Variants in KCNQ3 observed in about 807,000 individuals in gnomAD.
KCNQ3 encodes the protein potassium voltage-gated channel subfamily Q member 3.
KCNQ3 carries 30 observed loss-of-function variants against 92.5 expected under a neutral mutation model. The observed-to-expected ratio is 0.32, with a 90% CI of 0.24 to 0.44. The LOEUF (loss-of-function observed/expected upper bound fraction) is 0.44. Ranked by LOEUF, KCNQ3 falls within the 20% of genes least tolerant of loss-of-function variation. The pLI, the probability that KCNQ3 is intolerant of heterozygous loss-of-function variation, is 1.00. For missense variants in KCNQ3, 913 were observed against 1,140.3 expected, an observed-to-expected ratio of 0.80 and a Z score of 2.87; for synonymous variants, 450 against 468.8, an observed-to-expected ratio of 0.96 and a Z score of 0.52.
chr8:132,358,114 A>G (rs1819066042), intron 1 of KCNQ3, among the ~76,000 whole-genome samples: 1 of 152,224 alleles, frequency 6.6e-6, no homozygotes, highest in Non-Finnish European at 1.5e-5. Flanking sequence ...ATAAAGTTGT[A>G]ATCTAACTTC....
intron 1 of KCNQ3, among the ~76,000 whole-genome samples, chr8:132,206,875 T>C (rs1813677091): frequency 6.6e-6 from 1 of 152,196 alleles, no homozygotes; most frequent in South Asian, 2.1e-4. Context: ...TCTTTCCTTC[T>C]ACTAATTTTG....
chr8:132,344,234 C>T (rs1818616118), intron 1 of KCNQ3, among the ~76,000 whole-genome samples: 1 of 152,232 alleles, frequency 6.6e-6, no homozygotes, highest in Admixed American at 6.5e-5. Context: ...CTATTCTCTA[C>T]TAACATAAAT....
chr8:132,185,950 C>T (rs1292927677), intron 2 of KCNQ3, 141 bp downstream of exon 2: 2 of 710,636 alleles, frequency 2.8e-6, no homozygotes, highest in East Asian at 2.7e-5. Context: ...GTAATGGAGG[C>T]TTTGCTTTTC....
intron 9 of KCNQ3, among the ~76,000 whole-genome samples, chr8:132,159,266 A>G (rs1825908912): frequency 1.3e-5 from 2 of 152,184 alleles, no homozygotes; most frequent in Non-Finnish European, 2.9e-5. Context: ...ATGAACAATT[A>G]TCGTGTTTTG....
rs1169428404 is a variant in KCNQ3 at position 132,269,905 on chromosome 8, G to T, written c.387-83724C>A. 3.3e-5 allele frequency among the ~76,000 whole-genome samples: 5 copies of T among 152,222 alleles called. No individual in the cohort carries two copies. In the South Asian group the frequency reaches 6.2e-4, roughly 19 times the overall value. ...TAAAATTTCTGTCTTTTTGCATTCA[G>T]CCAACAGCCAGATGGGTGGGGGTAG... On this transcript the variant is annotated intron_variant, in intron 1 of 14. Transcript: ENST00000388996.
At chr8:132,233,418 G>A (rs912156739) in intron 1 of KCNQ3, among the ~76,000 whole-genome samples, 6 of 152,184 alleles carry the variant, frequency 3.9e-5, no homozygotes, top group African/African-American at 1.4e-4. Context: ...TAAATCCCAA[G>A]TTGACCTAAT....
chr8:132,134,531 A>C, intron 12 of KCNQ3, 143 bp from the exon 13 acceptor site: 2 of 640,376 alleles, frequency 3.1e-6, no homozygotes, highest in East Asian at 5.9e-5. Flanking sequence ...TGAGGAGAGG[A>C]GAGGGGAGGA....
intron 1 of KCNQ3, among the ~76,000 whole-genome samples, chr8:132,331,705 T>A (rs2130662612): frequency 6.6e-6 from 1 of 152,372 alleles, no homozygotes; most frequent in African/African-American, 2.4e-5. Flanking sequence ...AGACACAGCA[T>A]AGTATAATGG....
chr8:132,395,346 C>T (rs1019476446), intron 1 of KCNQ3, among the ~76,000 whole-genome samples: 1 of 152,120 alleles, frequency 6.6e-6, no homozygotes, highest in Admixed American at 6.5e-5. Flanking sequence ...GAGTATAGAA[C>T]ACTAGAACTT....
intron 1 of KCNQ3, among the ~76,000 whole-genome samples, chr8:132,469,539 C>A (rs1822251409): frequency 6.6e-6 from 1 of 152,148 alleles, no homozygotes. Context: ...CTACCCAAAA[C>A]CAGAATGACA....
intron 1 of KCNQ3, among the ~76,000 whole-genome samples, chr8:132,413,909 G>A (rs1820723067): frequency 1.3e-5 from 2 of 152,184 alleles, no homozygotes; most frequent in Non-Finnish European, 2.9e-5. Context: ...CATGACAAAT[G>A]AATTCATCTG....
At chr8:132,250,034 T>C (rs1187287698) in intron 1 of KCNQ3, among the ~76,000 whole-genome samples, 2 of 151,880 alleles carry the variant, frequency 1.3e-5, no homozygotes, top group Non-Finnish European at 2.9e-5. Context: ...CACCCGTGCC[T>C]CTCCCTCCAC....
At chr8:132,284,511 G>A (rs1035940475) in intron 1 of KCNQ3, among the ~76,000 whole-genome samples, 6 of 151,912 alleles carry the variant, frequency 3.9e-5, no homozygotes, top group Non-Finnish European at 8.8e-5. Flanking sequence ...CTACTCTTTG[G>A]ATATGAGTGT....
rs927282497 is a variant in KCNQ3, at chr8:132,276,998, T to G, written c.387-90817A>C. On this transcript the variant is annotated intron_variant, in intron 1 of 14. Transcript: ENST00000388996. ...ACAGAATGAGCCCACCACATCAAAG[T>G]GACAAAAATTATGATTGAAGAAACA... Among the ~76,000 whole-genome samples the G allele has an allele frequency of 2.6e-5, 4 of 151,784 alleles. No individual in the cohort carries two copies. In the South Asian group the frequency reaches 8.3e-4, roughly 32 times the overall value.
At chr8:132,159,079 C>CA (rs1563778575) in intron 9 of KCNQ3, among the ~76,000 whole-genome samples, 1 of 152,116 alleles carries the variant, frequency 6.6e-6, no homozygotes, top group African/African-American at 2.4e-5. Context: ...TAGTTTCTAT[C>CA]AAAAAGATGT....
intron 1 of KCNQ3, among the ~76,000 whole-genome samples, chr8:132,293,433 G>A (rs535321906): frequency 6.6e-6 from 1 of 152,226 alleles, no homozygotes; most frequent in South Asian, 2.1e-4. Flanking sequence ...GCTGCCTGGT[G>A]TACAGTGAAA....
intron 13 of KCNQ3, 86 bp downstream of exon 13, chr8:132,134,204 T>C: frequency 1.0e-6 from 1 of 977,094 alleles, no homozygotes; most frequent in Non-Finnish European, 1.7e-6. Flanking sequence ...TTCACCCACA[T>C]AAAGGACCCC....
At chr8:132,155,405 T>C (rs1016078321) in intron 9 of KCNQ3, among the ~76,000 whole-genome samples, 1 of 152,090 alleles carries the variant, frequency 6.6e-6, no homozygotes. Flanking sequence ...CATATGGAAA[T>C]AACCCCGGGC....
intron 1 of KCNQ3, among the ~76,000 whole-genome samples, chr8:132,207,829 C>A (rs1161262015): frequency 6.7e-6 from 1 of 149,018 alleles, no homozygotes; most frequent in Non-Finnish European, 1.5e-5. Context: ...ATGACACAAA[C>A]ATGGATTATT....
Sources: allele counts gnomAD v4.1 joint callset (sites outside exome capture counted in the v4.1 genomes callset), GRCh38; gene constraint gnomAD v4.1.1; transcripts MANE v1.5; gene names NCBI Gene and HGNC (gene_info 2026-07-23, HGNC 2026-07-21).